PPM1L: variants seen among roughly 807,000 people sequenced by gnomAD.
The protein encoded by PPM1L is protein phosphatase 1L.
In PPM1L, 13 loss-of-function variants were observed where a neutral mutation model predicts 31.4. The observed-to-expected ratio is 0.41, with a 90% CI of 0.27 to 0.66. PPM1L has a LOEUF of 0.66. Ranked by LOEUF, PPM1L falls within the 30% of genes least tolerant of loss-of-function variation. The pLI, the probability that PPM1L is intolerant of heterozygous loss-of-function variation, is 0.29. For synonymous variants in PPM1L, 184 were observed against 175.4 expected, an observed-to-expected ratio of 1.05 and a Z score of -0.39; for missense variants, 326 against 453.7, an observed-to-expected ratio of 0.72 and a Z score of 2.56.
At chr3:161,015,344 A>G (rs1007627725) in intron 2 of PPM1L, among the ~76,000 whole-genome samples, 1 of 152,170 alleles carries the variant, frequency 6.6e-6, no homozygotes, top group African/African-American at 2.4e-5. Context: ...CAGGGCCTGG[A>G]GATAATGCAG....
At chr3:160,928,177 G>A (rs895999124) in intron 1 of PPM1L, among the ~76,000 whole-genome samples, 1 of 152,148 alleles carries the variant, frequency 6.6e-6, no homozygotes, top group Non-Finnish European at 1.5e-5. Context: ...TTGCTTTTTT[G>A]TATGACCTTG....
chr3:161,015,721 G>A (rs1718066160), intron 2 of PPM1L, among the ~76,000 whole-genome samples: 1 of 152,222 alleles, frequency 6.6e-6, no homozygotes, highest in African/African-American at 2.4e-5. Flanking sequence ...AGTTTACTAA[G>A]CTAGCTGTTG....
chr3:160,973,681 A>G (rs1348272581), intron 2 of PPM1L, among the ~76,000 whole-genome samples: 1 of 147,940 alleles, frequency 6.8e-6, no homozygotes, highest in East Asian at 2.0e-4. Context: ...GTTTAATGCC[A>G]TTTTGCAAAT....
At chr3:160,814,577 ATATATACACACACATATGTATGTATGTG>A (rs1712917801) in intron 1 of PPM1L, among the ~76,000 whole-genome samples, 1 of 90,070 alleles carries the variant, frequency 1.1e-5, no homozygotes, top group African/African-American at 5.5e-5. Context: ...GTATGTGTAT[ATATATACACACACATATGTATGTATGTG>A]TATATATATA....
Position 161,043,562 on chromosome 3 carries a change from CCA to C in PPM1L, c.575-21840_575-21839del, listed in dbSNP as rs746043074. 4.6e-5 allele frequency among the ~76,000 whole-genome samples: 7 copies of C among 152,214 alleles called. No individual in the cohort carries two copies. In the South Asian group the frequency reaches 1.5e-3, roughly 32 times the overall value. ...ATATGCCCCACTTCTAGGGTGGTGCCCAGAGTACTGGACTGAGCAGCTGAAAT... is the reference window on the plus strand; with the variant it reads ...ATATGCCCCACTTCTAGGGTGGTGCCGAGTACTGGACTGAGCAGCTGAAAT... On this transcript the variant is annotated intron_variant, in intron 2 of 3. Coordinates refer to ENST00000498165, the MANE Select transcript of PPM1L (RefSeq NM_139245.4).
At chr3:160,984,743 G>A (rs1716908706) in intron 2 of PPM1L, among the ~76,000 whole-genome samples, 1 of 152,070 alleles carries the variant, frequency 6.6e-6, no homozygotes, top group Non-Finnish European at 1.5e-5. Context: ...GCTTTTATTT[G>A]ACAGGAATTA....
chr3:161,044,988 C>G (rs1363448966), intron 2 of PPM1L, among the ~76,000 whole-genome samples: 1 of 152,110 alleles, frequency 6.6e-6, no homozygotes, highest in Non-Finnish European at 1.5e-5. Context: ...TCTGATAAAA[C>G]AGATTTTAAA....
At chr3:160,864,179 A>G (rs1712004444) in intron 1 of PPM1L, among the ~76,000 whole-genome samples, 1 of 151,512 alleles carries the variant, frequency 6.6e-6, no homozygotes, top group East Asian at 1.9e-4. Flanking sequence ...TTTTTCTTTT[A>G]TTTTTTCTTT....
At chr3:160,959,318 G>A (rs559374106) in intron 1 of PPM1L, among the ~76,000 whole-genome samples, 31 of 152,254 alleles carry the variant, frequency 2.0e-4, no homozygotes, top group African/African-American at 6.5e-4. Context: ...AAGGGGATGA[G>A]GGATAAAAGA....
intron 2 of PPM1L, among the ~76,000 whole-genome samples, chr3:161,004,125 T>A (rs1457254540): frequency 6.9e-6 from 1 of 144,442 alleles, no homozygotes; most frequent in Non-Finnish European, 1.5e-5. Context: ...TGGTTCTGTT[T>A]ATATGCTGGA....
At chr3:160,854,176 T>TG (rs1711607154) in intron 1 of PPM1L, among the ~76,000 whole-genome samples, 3 of 152,168 alleles carry the variant, frequency 2.0e-5, no homozygotes, top group Non-Finnish European at 2.9e-5. Context: ...ATCATGTGGT[T>TG]CAGTTTGTTT....
At chr3:160,808,971 G>A (rs1378657) in intron 1 of PPM1L, among the ~76,000 whole-genome samples, 68,257 of 151,820 alleles carry the variant, frequency 0.45, 16,798 homozygotes, top group African/African-American at 0.66. Flanking sequence ...GAACTGATTA[G>A]ATGACTTGAG....
chr3:160,844,303 T>C (rs1036484270), intron 1 of PPM1L, among the ~76,000 whole-genome samples: 3 of 152,186 alleles, frequency 2.0e-5, no homozygotes, highest in African/African-American at 7.2e-5. Flanking sequence ...TCAGACTTTC[T>C]GAGACCCGCT....
chr3:160,815,459 G>T (rs1041290976), intron 1 of PPM1L, among the ~76,000 whole-genome samples: 4 of 152,210 alleles, frequency 2.6e-5, no homozygotes, highest in South Asian at 2.1e-4. Context: ...CTGCTTTTTA[G>T]GGAGCAGGTA....
rs552013783 is a variant in PPM1L, at chr3:160,875,167, C to G, written c.400-86569C>G. Among the ~76,000 whole-genome samples the G allele has an allele frequency of 2.0e-5, 3 of 152,294 alleles. No individual in the cohort carries two copies. In the South Asian group the frequency reaches 6.2e-4, roughly 32 times the overall value. ...AACTGTAACACCTAAATTCTAATCTCTAGCATAGAATTATGCCTTCAGACT... is the reference window on the plus strand; with the variant it reads ...AACTGTAACACCTAAATTCTAATCTGTAGCATAGAATTATGCCTTCAGACT... On this transcript the variant is annotated intron_variant, in intron 1 of 3. Transcript: ENST00000498165.
chr3:160,805,023 T>A (rs1712555373), intron 1 of PPM1L, among the ~76,000 whole-genome samples: 1 of 152,342 alleles, frequency 6.6e-6, no homozygotes, highest in South Asian at 2.1e-4. Flanking sequence ...ATCTGGGTTC[T>A]CCACCTCCTG....
At chr3:160,834,741 G>A (rs1279595483) in intron 1 of PPM1L, among the ~76,000 whole-genome samples, 2 of 152,056 alleles carry the variant, frequency 1.3e-5, no homozygotes, top group South Asian at 2.1e-4. Context: ...ATCCATGTAA[G>A]TTTTCTCATG....
intron 1 of PPM1L, among the ~76,000 whole-genome samples, chr3:160,843,068 T>A (rs1344470718): frequency 6.6e-6 from 1 of 152,088 alleles, no homozygotes; most frequent in Admixed American, 6.6e-5. Flanking sequence ...TAAAGGAATG[T>A]CTCCAAATCT....
intron 2 of PPM1L, among the ~76,000 whole-genome samples, chr3:160,993,708 A>C (rs1717212560): frequency 6.6e-6 from 1 of 152,204 alleles, no homozygotes. Context: ...TGAGAACTGC[A>C]ATAAGCAATC....
Sources: allele counts gnomAD v4.1 joint callset (sites outside exome capture counted in the v4.1 genomes callset), GRCh38; gene constraint gnomAD v4.1.1; transcripts MANE v1.5; gene names NCBI Gene and HGNC (gene_info 2026-07-23, HGNC 2026-07-21).